The following FBXO30 variants were observed in gnomAD, a reference collection of about 807,000 sequenced individuals.
The protein encoded by FBXO30 is F-box protein 30.
FBXO30 carries 21 observed loss-of-function variants against 58.1 expected under a neutral mutation model. The observed-to-expected ratio is 0.36, with a 90% CI of 0.26 to 0.52. The LOEUF (loss-of-function observed/expected upper bound fraction) is 0.52. Among genes scored for constraint, FBXO30 ranks in the 20% least tolerant of loss-of-function variants. FBXO30 has a pLI of 0.93. For missense variants in FBXO30, 744 were observed against 897.3 expected (o/e 0.83, Z 2.18); for synonymous variants, 309 against 312.4 (o/e 0.99, Z 0.11).
rs1207869861 is a variant in FBXO30, at chr6:145,798,736, T to G, written c.*1370A>C. The G allele has an allele frequency of 5.9e-5, 9 of 152,096 alleles. No homozygotes were observed. The highest frequency in any genetic ancestry group is 5.3e-4 in the Admixed American group (8 of 15,234). The allele number at this position is 152,096 out of a possible 1,614,324, so 9.4% of individuals were successfully genotyped here. On this transcript the variant is annotated 3_prime_UTR_variant, in exon 3 of 3. Transcript: ENST00000237281. Reference sequence around the variant, plus strand: ...TGCTTAAGGAACGCCTCTGCCTGATTGCCATATAAGGGAATCAAGAACCTA... The same window carrying G: ...TGCTTAAGGAACGCCTCTGCCTGATGGCCATATAAGGGAATCAAGAACCTA...
Position 145,800,961 on chromosome 6 carries a change from G to A in FBXO30, c.2035-652C>T, listed in dbSNP as rs1777978418. Reference sequence around the variant, plus strand: ...CATATCATTGTAAAACATGTTTCTAGGCAAAATACTTACCTGCCATCCCTA... The same window carrying A: ...CATATCATTGTAAAACATGTTTCTAAGCAAAATACTTACCTGCCATCCCTA... On this transcript the variant is annotated intron_variant, in intron 2 of 2. Transcript: ENST00000237281. Among the ~76,000 whole-genome samples, 4 of 151,940 alleles carry A rather than the reference G, an allele frequency of 2.6e-5. No individual in the cohort carries two copies. The South Asian group carries it at 8.3e-4, about 32-fold the overall frequency.
Position 145,795,066 on chromosome 6 carries a change from A to G in FBXO30, c.*5040T>C, listed in dbSNP as rs1289567941. On this transcript the variant is annotated 3_prime_UTR_variant, in exon 3 of 3. Transcript: ENST00000237281. Reference sequence around the variant, plus strand: ...TCTTATGTCATCAGACTTTAAAACTACTAAATACTAATATAACAATGTTAC... The same window carrying G: ...TCTTATGTCATCAGACTTTAAAACTGCTAAATACTAATATAACAATGTTAC... 6.6e-6 allele frequency: 1 copy of G among 151,794 alleles called. No homozygotes were observed. The highest frequency in any genetic ancestry group is 1.5e-5 in the Non-Finnish European group (1 of 67,770). 9.4% of individuals were successfully genotyped at this position (151,794 alleles called of 1,614,324 possible).
rs1468230270 is a variant in FBXO30 at position 145,800,325 on chromosome 6, A to G, written c.2035-16T>C. 1 of 1,606,456 alleles carries G rather than the reference A, an allele frequency of 6.2e-7. No homozygotes were observed. On this transcript the variant is annotated splice_polypyrimidine_tract_variant and intron_variant, in intron 2 of 2. Coordinates refer to ENST00000237281, the MANE Select transcript of FBXO30 (RefSeq NM_032145.5). ...ATCGCCATACCTACAAGAAAATTCT[A>G]CTTTAGATTTAAACAAGTCAATGTG...
intron 2 of FBXO30, among the ~76,000 whole-genome samples, chr6:145,800,919 T>TTTA (rs1777976713): frequency 6.6e-6 from 1 of 152,166 alleles, no homozygotes; most frequent in Non-Finnish European, 1.5e-5. Flanking sequence ...ATTTGTAAAG[T>TTTA]GGATCCTATT....
In FBXO30 at chr6:145,800,065, T is replaced by C. The variant is rs771901236; in HGVS notation, c.*41A>G. 2 of 1,431,092 alleles carry C rather than the reference T, an allele frequency of 1.4e-6. No individual in the cohort carries two copies. Among genetic ancestry groups the C allele is most frequent in the Non-Finnish European group, 2.0e-6 (2 of 1,021,854 alleles). 88.6% of individuals were successfully genotyped at this position (1,431,092 alleles called of 1,614,324 possible). On this transcript the variant is annotated 3_prime_UTR_variant, in exon 3 of 3. Transcript: ENST00000237281. Reference sequence around the variant, plus strand: ...AGTTTCACATATTACAAAGAAATTATACTAGGTGCTTGCATATATGTGCTA... The same window carrying C: ...AGTTTCACATATTACAAAGAAATTACACTAGGTGCTTGCATATATGTGCTA...
chr6:145,802,329 G>T (rs1443548589), intron 2 of FBXO30, among the ~76,000 whole-genome samples: 4 of 152,114 alleles, frequency 2.6e-5, no homozygotes, highest in Admixed American at 6.6e-5. Context: ...TAGTTGGCCA[G>T]CTTAATTAAC....
rs748626430 is a variant in FBXO30 at position 145,804,593 on chromosome 6, C to T, written c.1813G>A (p.Val605Met). 1 of 1,613,718 alleles carries T rather than the reference C, an allele frequency of 6.2e-7. No individual in the cohort carries two copies. Among genetic ancestry groups the T allele is most frequent in the South Asian group, 1.1e-5 (1 of 91,072 alleles). ...TVLVEPARNC[V>M]LGLHNDHLSS... is the part of the protein sequence containing the mutation. ...AGATGGTCATTATGTAATCCCAACA[C>T]ACAGTTTCTAGCAGGCTCCACTAAT... is the stretch of plus-strand genomic sequence containing the variant. The change falls in exon 2 of 3, where the codon GTG becomes ATG. Residue 605 changes from valine (V) to methionine (M), a missense_variant. Physicochemically the swap from Val to Met is conservative, Grantham distance 21. This residue lies in a region of FBXO30 where 334 missense variants were observed against 433.7 expected (regional missense o/e 0.77). Coordinates refer to ENST00000237281, the MANE Select transcript of FBXO30 (RefSeq NM_032145.5).
At position 145,804,978 on chromosome 6, in the gene FBXO30, C is replaced by G. The variant is rs746247911; in HGVS notation, c.1428G>C (p.Glu476Asp). ...AILATSTMVG[E>D]IASASACDHA... The stretch of plus-strand genomic sequence containing the variant: ...GATCACAAGCTGAAGCTGAAGCTAT[C>G]TCCCCAACCATTGTACTTGTAGCTA... Residue 476 changes from glutamate to aspartate, a missense_variant, in exon 2 of 3, where the codon GAG becomes GAC. Transcript: ENST00000237281. 67 of 1,613,772 alleles carry G rather than the reference C, an allele frequency of 4.2e-5. 1 individual carries two copies. In the South Asian group the frequency reaches 6.1e-4, roughly 15 times the overall value.
intron 2 of FBXO30, among the ~76,000 whole-genome samples, chr6:145,804,134 T>G (rs1353892997): frequency 6.6e-6 from 1 of 152,160 alleles, no homozygotes; most frequent in Non-Finnish European, 1.5e-5. Context: ...AAGTGGTCTC[T>G]GCCATATTAG....
intron 1 of FBXO30, among the ~76,000 whole-genome samples, chr6:145,807,283 G>A (rs1485795821): frequency 1.3e-5 from 2 of 152,178 alleles, no homozygotes. Flanking sequence ...TACCAATAGA[G>A]AAGATAATAA....
At chr6:145,807,236 T>G (rs1778200707) in intron 1 of FBXO30, among the ~76,000 whole-genome samples, 1 of 152,178 alleles carries the variant, frequency 6.6e-6, no homozygotes, top group Non-Finnish European at 1.5e-5. Flanking sequence ...AAAGTGTATC[T>G]CGTTTTTATG....
At position 145,797,099 on chromosome 6, in the gene FBXO30, G is replaced by A. The variant is rs1025872821; in HGVS notation, c.*3007C>T. The A allele has an allele frequency of 2.6e-5, 4 of 151,778 alleles. No individual in the cohort carries two copies. Among genetic ancestry groups the A allele is most frequent in the African/African-American group, 7.3e-5 (3 of 41,340 alleles). 9.4% of individuals were successfully genotyped at this position (151,778 alleles called of 1,614,324 possible). A position where few individuals can be genotyped will look rare whatever the true frequency, so the allele number is the denominator to read the frequency against. On this transcript the variant is annotated 3_prime_UTR_variant, in exon 3 of 3. Coordinates refer to ENST00000237281, the MANE Select transcript of FBXO30 (RefSeq NM_032145.5). Reference sequence around the variant, plus strand: ...TACCCTACAATTTGAATATGTTCACGACTCTACAACCACTAAACAAGAGAA... The same window carrying A: ...TACCCTACAATTTGAATATGTTCACAACTCTACAACCACTAAACAAGAGAA...
In FBXO30 at chr6:145,802,356, GTA is replaced by G. The variant is rs1194681054; in HGVS notation, c.2034+2014_2034+2015del. On this transcript the variant is annotated intron_variant, in intron 2 of 2. Transcript: ENST00000237281. ...TTAATTAACCTCTGTTTCTTTGTCT[GTA>G]AAATGGGTACAGTGGATTATATAAG... Among the ~76,000 whole-genome samples the G allele has an allele frequency of 3.3e-5, 5 of 152,094 alleles. No individual in the cohort carries two copies. The East Asian group carries it at 9.6e-4, about 29-fold the overall frequency.
chr6:145,813,380 A>T (rs1412087117), intron 1 of FBXO30, among the ~76,000 whole-genome samples: 1 of 152,178 alleles, frequency 6.6e-6, no homozygotes, highest in East Asian at 1.9e-4. Flanking sequence ...CAAATTGGCA[A>T]TTTAAAAAGT....
Position 145,804,517 on chromosome 6 carries a change from C to G in FBXO30, c.1889G>C (p.Gly630Ala). The change falls in exon 2 of 3, where the codon GGC (glycine) becomes GCC (alanine). Residue 630 changes from glycine (G) to alanine (A), a missense_variant. Coordinates refer to ENST00000237281, the MANE Select transcript of FBXO30 (RefSeq NM_032145.5). ...ACATGAGAGCTGACATAAGCTGAAG[C>G]CATCGAGAAAGCCTGCAATATGCTG... ...VLQHIAGFLD[G>A]FSLCQLSCVS... The G allele has an allele frequency of 6.2e-7, 1 of 1,613,740 alleles. No homozygotes were observed. Among genetic ancestry groups the G allele is most frequent in the Non-Finnish European group, 8.5e-7 (1 of 1,179,802 alleles).
In FBXO30 at chr6:145,805,457, A is replaced by G. The variant is rs754774298; in HGVS notation, c.949T>C (p.Cys317Arg). ...GAAGTGCCATCTGATGATGCCACAC[A>G]GTCTCCATTTGTTAAGTTACTTTGT... The part of the protein sequence containing the change: ...SKQSNLTNGD[C>R]VASSDGTSKP... The change falls in exon 2 of 3, where the codon TGT becomes CGT. Residue 317 changes from cysteine (C) to arginine (R), a missense_variant. Physicochemically the swap from Cys to Arg is radical, Grantham distance 180. Around this residue, in one of 3 missense-constraint regions of FBXO30, gnomAD observed 275 missense variants for 262.0 expected, o/e 1.05. Transcript: ENST00000237281. 6.2e-6 allele frequency: 10 copies of G among 1,611,300 alleles called. No homozygotes were observed. In the South Asian group the frequency reaches 1.1e-4, roughly 18 times the overall value.
intron 2 of FBXO30, among the ~76,000 whole-genome samples, chr6:145,802,814 T>C (rs956182246): frequency 1.3e-5 from 2 of 151,906 alleles, no homozygotes; most frequent in Admixed American, 1.3e-4. Flanking sequence ...GAAATGGCAG[T>C]GGAAACAGAA....
intron 1 of FBXO30, among the ~76,000 whole-genome samples, chr6:145,812,220 T>G (rs575417313): frequency 1.1e-4 from 16 of 152,154 alleles, no homozygotes; most frequent in Admixed American, 2.0e-4. Flanking sequence ...CCAGATAAAA[T>G]ATATCAAAAC....
At position 145,797,954 on chromosome 6, in the gene FBXO30, T is replaced by G. The variant is rs1389543929; in HGVS notation, c.*2152A>C. 6.6e-6 allele frequency: 1 copy of G among 152,012 alleles called. No individual in the cohort carries two copies. Among genetic ancestry groups the G allele is most frequent in the East Asian group, 1.9e-4 (1 of 5,190 alleles). 9.4% of individuals were successfully genotyped at this position (152,012 alleles called of 1,614,324 possible). ...TGCTAGAAACTCTTCCGCCTTTCAGTGCACCTAGGTGGTATTACTTTCGAG... is the reference window on the plus strand; with the variant it reads ...TGCTAGAAACTCTTCCGCCTTTCAGGGCACCTAGGTGGTATTACTTTCGAG... On this transcript the variant is annotated 3_prime_UTR_variant, in exon 3 of 3. Transcript: ENST00000237281.
Sources: allele counts gnomAD v4.1 joint callset (sites outside exome capture counted in the v4.1 genomes callset), GRCh38; gene constraint gnomAD v4.1.1; regional missense constraint gnomAD v4.1.1; transcripts MANE v1.5; gene names NCBI Gene and HGNC (gene_info 2026-07-23, HGNC 2026-07-21).